AFF3: variants seen among roughly 807,000 people sequenced by gnomAD.
AFF3 encodes the protein AF4/FMR2 family member 3.
AFF3 carries 32 observed loss-of-function variants against 129.7 expected under a neutral mutation model. That is an observed-to-expected ratio of 0.25 (90% confidence interval 0.19 to 0.33). The LOEUF is 0.33. Ranked by LOEUF, AFF3 falls within the 10% of genes least tolerant of loss-of-function variation. The probability of loss-of-function intolerance (pLI) is 1.00; values close to 1 mark genes in which losing one functional copy is unlikely to be tolerated. For synonymous variants in AFF3, 644 were observed against 635.4 expected, an observed-to-expected ratio of 1.01 and a Z score of -0.20; for missense variants, 1,373 against 1,592.0, an observed-to-expected ratio of 0.86 and a Z score of 2.34.
chr2:99,601,364 A>G lies in AFF3; in HGVS notation c.1371+71T>C, dbSNP rs1490108754. 2.1e-6 allele frequency: 3 copies of G among 1,446,490 alleles called. No homozygotes were observed. In the African/African-American group the frequency reaches 4.2e-5, roughly 20 times the overall value. The allele number at this position is 1,446,490 out of a possible 1,614,324, so 89.6% of individuals were successfully genotyped here. ...AGACCTGCAGCAGTGTGACAGTGAC[A>G]ATGCCCGGACTTGCTATCCTCATAG... On this transcript the variant is annotated intron_variant, in intron 14 of 24. Coordinates refer to ENST00000672756, the MANE Select transcript of AFF3 (RefSeq NM_001386135.1).
chr2:99,922,217 C>T (rs1278107733), intron 7 of AFF3, among the ~76,000 whole-genome samples: 1 of 152,140 alleles, frequency 6.6e-6, no homozygotes, highest in African/African-American at 2.4e-5. Flanking sequence ...CACTTTCACT[C>T]CTAGGGGTTT....
chr2:100,049,561 T>G (rs1686117252), intron 4 of AFF3, among the ~76,000 whole-genome samples: 1 of 152,202 alleles, frequency 6.6e-6, no homozygotes, highest in African/African-American at 2.4e-5. Flanking sequence ...TATTATTATA[T>G]TCAGGTTAAA....
chr2:99,989,590 A>T (rs1392691340), intron 7 of AFF3, among the ~76,000 whole-genome samples: 1 of 152,256 alleles, frequency 6.6e-6, no homozygotes, highest in Admixed American at 6.5e-5. Flanking sequence ...AGGCCAGAGC[A>T]ATTAAGAGAA....
At chr2:99,605,070 T>G (rs1680194583) in intron 13 of AFF3, among the ~76,000 whole-genome samples, 1 of 152,236 alleles carries the variant, frequency 6.6e-6, no homozygotes, top group Non-Finnish European at 1.5e-5. Flanking sequence ...ACAGTTACCA[T>G]GCTGCCTGCC....
intron 1 of AFF3, among the ~76,000 whole-genome samples, chr2:100,131,354 G>A (rs536124336): frequency 9.1e-4 from 139 of 152,326 alleles, no homozygotes; most frequent in African/African-American, 3.2e-3. Flanking sequence ...TTATATATAT[G>A]AGTCAAATGT....
intron 12 of AFF3, among the ~76,000 whole-genome samples, chr2:99,662,517 C>T (rs1410775252): frequency 6.6e-6 from 1 of 152,088 alleles, no homozygotes; most frequent in East Asian, 1.9e-4. Context: ...TGAAAATTTA[C>T]TCAAAATATC....
intron 7 of AFF3, among the ~76,000 whole-genome samples, chr2:99,995,379 C>CTT (rs202207607): frequency 2.0e-3 from 301 of 146,874 alleles, no homozygotes; most frequent in African/African-American, 7.0e-3. Context: ...TCATCTATTC[C>CTT]TTTTTTTTTT....
chr2:100,007,009 C>T lies in AFF3; in HGVS notation c.496G>A (p.Gly166Ser). 2 of 1,607,302 alleles carry T rather than the reference C, an allele frequency of 1.2e-6. No homozygotes were observed. Among genetic ancestry groups the T allele is most frequent in the Non-Finnish European group, 1.7e-6 (2 of 1,175,654 alleles). The part of the protein sequence containing the change: ...SDGQQRATQQ[G>S]SLRTLLGDGV... ...TCTCCAAGCAAGGTCCTGAGAGAGC[C>T]CTGTTGTGCTGAGTTGGAAGAAGAA... Residue 166 changes from glycine to serine, a missense_variant, in exon 7 of 25, where the codon GGC (glycine) becomes AGC (serine). Around this residue, in one of 9 missense-constraint regions of AFF3, gnomAD observed 255 missense variants for 256.0 expected, o/e 1.00. Coordinates refer to ENST00000672756, the MANE Select transcript of AFF3 (RefSeq NM_001386135.1).
At chr2:99,805,851 C>CACACACACACACAA (rs57054788) in intron 8 of AFF3, among the ~76,000 whole-genome samples, 1 of 150,330 alleles carries the variant, frequency 6.7e-6, no homozygotes, top group Non-Finnish European at 1.5e-5. Flanking sequence ...CACACACACA[C>CACACACACACACAA]GATGAAGGAA....
intron 13 of AFF3, among the ~76,000 whole-genome samples, chr2:99,642,479 A>C (rs777381662): frequency 1.2e-4 from 18 of 152,324 alleles, no homozygotes; most frequent in Admixed American, 3.3e-4. Flanking sequence ...GCAAGGATGG[A>C]TAGCCACAGT....
chr2:99,937,644 G>T (rs1024578399), intron 7 of AFF3, among the ~76,000 whole-genome samples: 3 of 152,100 alleles, frequency 2.0e-5, no homozygotes, highest in Non-Finnish European at 2.9e-5. Context: ...TGATCCGCCC[G>T]CCTCGGCCTC....
At chr2:99,824,455 T>C (rs1687922795) in intron 8 of AFF3, among the ~76,000 whole-genome samples, 1 of 152,164 alleles carries the variant, frequency 6.6e-6, no homozygotes, top group Non-Finnish European at 1.5e-5. Context: ...ACCACAGATC[T>C]CTAATTGTTT....
At chr2:99,909,230 G>A (rs1427940326) in intron 7 of AFF3, among the ~76,000 whole-genome samples, 13 of 151,048 alleles carry the variant, frequency 8.6e-5, no homozygotes, top group African/African-American at 2.2e-4. Flanking sequence ...GCAAACTATC[G>A]CAAGGACAAA....
intron 4 of AFF3, among the ~76,000 whole-genome samples, chr2:100,050,325 C>T (rs1686198182): frequency 6.6e-6 from 1 of 151,950 alleles, no homozygotes; most frequent in South Asian, 2.1e-4. Context: ...TTTTATTTTA[C>T]TTTTTATTTT....
intron 11 of AFF3, among the ~76,000 whole-genome samples, chr2:99,703,015 G>A (rs1677019415): frequency 6.6e-6 from 1 of 152,140 alleles, no homozygotes; most frequent in Non-Finnish European, 1.5e-5. Flanking sequence ...ATTTTCTTAT[G>A]TTTTCATATT....
chr2:99,592,723 C>T (rs969900416), intron 15 of AFF3, among the ~76,000 whole-genome samples: 2 of 152,070 alleles, frequency 1.3e-5, no homozygotes, highest in Non-Finnish European at 2.9e-5. Context: ...CACTTGAGGT[C>T]AGGAGTTCGA....
chr2:100,080,606 T>C (rs1559111699), intron 4 of AFF3, among the ~76,000 whole-genome samples: 3 of 152,012 alleles, frequency 2.0e-5, no homozygotes, highest in East Asian at 1.9e-4. Flanking sequence ...AATATATACA[T>C]ATATATTAAG....
intron 13 of AFF3, among the ~76,000 whole-genome samples, chr2:99,642,658 C>T (rs894915101): frequency 1.3e-5 from 2 of 152,196 alleles, no homozygotes; most frequent in Non-Finnish European, 2.9e-5. Context: ...AATATTGTTA[C>T]GATGCAAAAC....
At chr2:100,049,565 G>A (rs889340677) in intron 4 of AFF3, among the ~76,000 whole-genome samples, 1 of 152,176 alleles carries the variant, frequency 6.6e-6, no homozygotes, top group Non-Finnish European at 1.5e-5. Flanking sequence ...ATTATATTCA[G>A]GTTAAAGTGT....
Sources: gnomAD v4.1 joint callset for allele counts (sites outside exome capture counted in the v4.1 genomes callset) on GRCh38, gnomAD v4.1.1 for gene constraint, gnomAD v4.1.1 regional missense constraint, MANE v1.5 for transcripts, NCBI Gene and HGNC (gene_info 2026-07-23, HGNC 2026-07-21) for gene names.